SCARB1: variants seen among roughly 807,000 people sequenced by gnomAD.
SCARB1 encodes the protein CD36 and LIMPII analogous 1.
In SCARB1, 30 loss-of-function variants were observed where a neutral mutation model predicts 57.2. The observed-to-expected ratio is 0.52, with a 90% CI of 0.39 to 0.71. SCARB1 has a LOEUF of 0.71. SCARB1 is among the 30% of genes least tolerant of loss of function. The probability of loss-of-function intolerance (pLI) is 0.00; values close to 1 mark genes in which losing one functional copy is unlikely to be tolerated. For missense variants in SCARB1, 543 were observed against 671.2 expected (o/e 0.81, Z 2.11); for synonymous variants, 249 against 268.3 (o/e 0.93, Z 0.70).
At chr12:124,786,654 C>T in intron 10 of SCARB1, 151 bp from the exon 11 acceptor site, 1 of 1,451,892 alleles carries the variant, frequency 6.9e-7, no homozygotes, top group East Asian at 2.5e-5. Flanking sequence ...TGCCAGGGAC[C>T]TCCTCCCTCC....
intron 10 of SCARB1, 75 bp from the exon 11 acceptor site, chr12:124,786,578 C>T (rs1949528325): frequency 6.3e-7 from 1 of 1,584,254 alleles, no homozygotes; most frequent in Non-Finnish European, 8.6e-7. Context: ...CACCCAACAC[C>T]TTCCTCTGTG....
At position 124,859,687 on chromosome 12, in the gene SCARB1, T is replaced by C. The variant is rs539340499; in HGVS notation, c.126+3908A>G. 3.9e-5 allele frequency among the ~76,000 whole-genome samples: 6 copies of C among 152,314 alleles called. No homozygotes were observed. The South Asian group carries it at 1.2e-3, about 32-fold the overall frequency. ...TCTAATATTAAGCCATTGAAAATAA[T>C]GGCAGGGCGCGGTGGTTCACACCTA... On this transcript the variant is annotated intron_variant, in intron 1 of 12. Coordinates refer to ENST00000261693, the MANE Select transcript of SCARB1 (RefSeq NM_005505.5).
intron 9 of SCARB1, among the ~76,000 whole-genome samples, chr12:124,792,588 A>G (rs701107): frequency 0.18 from 26,714 of 151,546 alleles, 4,487 homozygotes; most frequent in East Asian, 0.42. Context: ...TGGGTGTACT[A>G]GCGAGCGCCT....
chr12:124,842,194 G>A (rs1053614988), intron 1 of SCARB1, among the ~76,000 whole-genome samples: 4 of 152,156 alleles, frequency 2.6e-5, no homozygotes, highest in East Asian at 1.9e-4. Context: ...CCCACGCCCC[G>A]TGTCACTCCC....
At position 124,863,850 on chromosome 12, in the gene SCARB1, G is replaced by A; in HGVS notation, c.-130C>T. On this transcript the variant is annotated 5_prime_UTR_variant, in exon 1 of 13. Coordinates refer to ENST00000261693, the MANE Select transcript of SCARB1 (RefSeq NM_005505.5). ...CGCAGAGGCACGGTGGATCCGGGACGGCAGCGCACGCAGGAGCAGCCCGGC... is the reference window on the plus strand; with the variant it reads ...CGCAGAGGCACGGTGGATCCGGGACAGCAGCGCACGCAGGAGCAGCCCGGC... 1.7e-6 allele frequency: 2 copies of A among 1,182,782 alleles called. No individual in the cohort carries two copies. The highest frequency in any genetic ancestry group is 2.2e-6 in the Non-Finnish European group (2 of 909,434). The allele number at this position is 1,182,782 out of a possible 1,614,324, so 73.3% of individuals were successfully genotyped here.
In SCARB1 at chr12:124,846,790, G is replaced by A. The variant is rs550048811; in HGVS notation, c.126+16805C>T. ...TGAACTGTGATACTCAGCTTCTTCC[G>A]ATTAGCATCATGAACTGTGATATGA... is the stretch of plus-strand genomic sequence containing the variant. On this transcript the variant is annotated intron_variant, in intron 1 of 12. Transcript: ENST00000261693. Among the ~76,000 whole-genome samples, 3 of 138,252 alleles carry A rather than the reference G, an allele frequency of 2.2e-5. 1 individual carries two copies. Among genetic ancestry groups the A allele is most frequent in the Non-Finnish European group, 4.6e-5 (3 of 65,258 alleles). The allele number at this position is 138,252 out of a possible 152,430, so 90.7% of individuals were successfully genotyped here.
chr12:124,817,243 C>G lies in SCARB1; in HGVS notation c.284+307G>C, dbSNP rs914004960. Reference sequence around the variant, plus strand: ...CTCCATAAAGAACCTCTCTAGGCAACGTCTGGTGATTCGCACCTGTAATCC... The same window carrying G: ...CTCCATAAAGAACCTCTCTAGGCAAGGTCTGGTGATTCGCACCTGTAATCC... On this transcript the variant is annotated intron_variant, in intron 2 of 12. Coordinates refer to ENST00000261693, the MANE Select transcript of SCARB1 (RefSeq NM_005505.5). This position sits in a 1 kb window ranked among gnomAD's most constrained non-coding sequence, Gnocchi z 4.8. 1.3e-5 allele frequency among the ~76,000 whole-genome samples: 2 copies of G among 149,890 alleles called. No individual in the cohort carries two copies. The highest frequency in any genetic ancestry group is 3.0e-5 in the Non-Finnish European group (2 of 67,664).
In SCARB1 at chr12:124,787,400, C is replaced by A. The variant is rs550223670; in HGVS notation, c.1254+6G>T. 3.1e-6 allele frequency: 5 copies of A among 1,613,690 alleles called. No individual in the cohort carries two copies. The highest frequency in any genetic ancestry group is 3.3e-5 in the Admixed American group (2 of 59,972). On this transcript the variant is annotated splice_donor_region_variant and intron_variant, in intron 10 of 12. Coordinates refer to ENST00000261693, the MANE Select transcript of SCARB1 (RefSeq NM_005505.5). Reference sequence around the variant, plus strand: ...GCCCCCGACGCTGTGCCCAACGCACCCTTACCTCTGCAAACCAGAGCAGCG... The same window carrying A: ...GCCCCCGACGCTGTGCCCAACGCACACTTACCTCTGCAAACCAGAGCAGCG...
rs530694189 is a variant in SCARB1, at chr12:124,852,861, T to C, written c.126+10734A>G. On this transcript the variant is annotated intron_variant, in intron 1 of 12. Coordinates refer to ENST00000261693, the MANE Select transcript of SCARB1 (RefSeq NM_005505.5). ...TTCGAGACCAGCCTGGCTAACATGG[T>C]GAGACCCCATCTCTACTAAAAATAC... Among the ~76,000 whole-genome samples, 3 of 152,296 alleles carry C rather than the reference T, an allele frequency of 2.0e-5. No homozygotes were observed. The South Asian group carries it at 6.2e-4, about 32-fold the overall frequency.
intron 1 of SCARB1, among the ~76,000 whole-genome samples, chr12:124,843,924 T>C (rs141269481): frequency 5.3e-4 from 80 of 152,290 alleles, no homozygotes; most frequent in Non-Finnish European, 1.1e-3. Flanking sequence ...TCTCGAAGAC[T>C]AAATCGTCTC....
In SCARB1 at chr12:124,831,192, T is replaced by G. The variant is rs191610636; in HGVS notation, c.127-13485A>C. On this transcript the variant is annotated intron_variant, in intron 1 of 12. Coordinates refer to ENST00000261693, the MANE Select transcript of SCARB1 (RefSeq NM_005505.5). ...CGGGGTTTTGCCAAATTGGCCAGGC[T>G]GGTCTCAAACTCCTGACCTCAGGTG... is the stretch of plus-strand genomic sequence containing the variant. 7.2e-3 allele frequency among the ~76,000 whole-genome samples: 1,099 copies of G among 152,308 alleles called. 16 individuals are homozygous for G. The highest frequency in any genetic ancestry group is 0.024 in the African/African-American group (977 of 41,560).
At chr12:124,794,675 A>C (rs1445152756) in intron 9 of SCARB1, among the ~76,000 whole-genome samples, 1 of 152,224 alleles carries the variant, frequency 6.6e-6, no homozygotes, top group Non-Finnish European at 1.5e-5. Flanking sequence ...TCACGCCTGC[A>C]ATCCCAGCAT....
chr12:124,862,568 G>A (rs1316878354), intron 1 of SCARB1: 2 of 152,244 alleles, frequency 1.3e-5, no homozygotes, highest in Non-Finnish European at 2.9e-5. Flanking sequence ...CAAAGAGGCA[G>A]GCCAAGGGGA....
chr12:124,815,070 G>A lies in SCARB1; in HGVS notation c.329C>T (p.Thr110Ile). The change falls in exon 3 of 13, where the codon ACC (threonine) becomes ATC (isoleucine). Residue 110 changes from threonine (T) to isoleucine (I), a missense_variant. Transcript: ENST00000261693. ...KSNITFNNND[T>I]VSFLEYRTFQ... ...GGTGCGGTACTCGAGGAAGGACACG[G>A]TGTCGTTGTTGTTGAAGGTGATGTT... 6.2e-7 allele frequency: 1 copy of A among 1,614,154 alleles called. No homozygotes were observed. Among genetic ancestry groups the A allele is most frequent in the East Asian group, 2.2e-5 (1 of 44,880 alleles).
chr12:124,861,343 T>C lies in SCARB1; in HGVS notation c.126+2252A>G, dbSNP rs184309909. Among the ~76,000 whole-genome samples the C allele has an allele frequency of 2.6e-5, 4 of 152,352 alleles. No homozygotes were observed. In the East Asian group the frequency reaches 7.7e-4, roughly 29 times the overall value. On this transcript the variant is annotated intron_variant, in intron 1 of 12. Transcript: ENST00000261693. Reference sequence around the variant, plus strand: ...ATACAGTATTGTTTTTATGTCTTTTTTTAGTTGTATTGTTATTTTGGGGGG... The same window carrying C: ...ATACAGTATTGTTTTTATGTCTTTTCTTAGTTGTATTGTTATTTTGGGGGG...
chr12:124,849,686 A>G (rs1205997641), intron 1 of SCARB1, among the ~76,000 whole-genome samples: 1 of 152,238 alleles, frequency 6.6e-6, no homozygotes, highest in Non-Finnish European at 1.5e-5. Flanking sequence ...TGGTTTCCAA[A>G]GGAAAAATAA....
In SCARB1 at chr12:124,850,964, A is replaced by C. The variant is rs141802429; in HGVS notation, c.126+12631T>G. Among the ~76,000 whole-genome samples, 1,447 of 152,256 alleles carry C rather than the reference A, an allele frequency of 9.5e-3. 10 individuals carry two copies. Among genetic ancestry groups the C allele is most frequent in the Non-Finnish European group, 0.015 (1,021 of 67,998 alleles). On this transcript the variant is annotated intron_variant, in intron 1 of 12. Coordinates refer to ENST00000261693, the MANE Select transcript of SCARB1 (RefSeq NM_005505.5). ...TCCTACCTGAGTCTCTGTGGGCAAG[A>C]ACTACTTCCCTCCCTGGCTCCAAAT...
intron 2 of SCARB1, among the ~76,000 whole-genome samples, chr12:124,816,452 G>A (rs184719501): frequency 6.6e-6 from 1 of 152,338 alleles, no homozygotes; most frequent in Admixed American, 6.5e-5. Context: ...GTAAACATTT[G>A]TTAAATGAAC....
At chr12:124,819,637 C>A (rs1037410136) in intron 1 of SCARB1, among the ~76,000 whole-genome samples, 1 of 152,212 alleles carries the variant, frequency 6.6e-6, no homozygotes, top group Non-Finnish European at 1.5e-5. Context: ...AGTGACCCAG[C>A]CCATTAGACT....
Sources: allele counts gnomAD v4.1 joint callset (sites outside exome capture counted in the v4.1 genomes callset), GRCh38; gene constraint gnomAD v4.1.1; non-coding constraint Gnocchi (gnomAD v3.1); transcripts MANE v1.5; gene names NCBI Gene and HGNC (gene_info 2026-07-23, HGNC 2026-07-21).